CFAP43: variants seen among roughly 807,000 people sequenced by gnomAD.
CFAP43 encodes the protein cilia and flagella associated protein 43.
Under a neutral mutation model 218.9 loss-of-function variants are expected in CFAP43, and 155 were observed. The ratio of observed to expected loss-of-function variants is 0.71; its 90% CI spans 0.62 to 0.81. CFAP43 has a LOEUF of 0.81. Among genes scored for constraint, CFAP43 ranks in the 30% least tolerant of loss-of-function variants. The probability of loss-of-function intolerance (pLI) is 0.00; values close to 1 mark genes in which losing one functional copy is unlikely to be tolerated. For synonymous variants in CFAP43, 645 were observed against 681.3 expected (o/e 0.95, Z 0.83); for missense variants, 1,778 against 1,954.3 (o/e 0.91, Z 1.70).
chr10:104,210,928 T>C (rs750053055), intron 5 of CFAP43, among the ~76,000 whole-genome samples: 35 of 151,826 alleles, frequency 2.3e-4, no homozygotes, highest in Non-Finnish European at 3.8e-4. Context: ...GTAGCTGGGA[T>C]TACAGGCGTC....
At chr10:104,191,001 T>C (rs1014305301) in intron 12 of CFAP43, among the ~76,000 whole-genome samples, 4 of 152,238 alleles carry the variant, frequency 2.6e-5, no homozygotes, top group Non-Finnish European at 5.9e-5. Flanking sequence ...GGGCTTAGAA[T>C]ACTGGCTACC....
intron 29 of CFAP43, 69 bp from the exon 30 acceptor site, chr10:104,146,418 AC>A: frequency 1.7e-6 from 2 of 1,172,776 alleles, no homozygotes; most frequent in Non-Finnish European, 2.5e-6. Flanking sequence ...TATTGGGGAT[AC>A]TAAAAAGAGC....
At chr10:104,182,693 G>GA (rs984966459) in intron 16 of CFAP43, among the ~76,000 whole-genome samples, 180 bp from the exon 17 acceptor site, 1 of 152,048 alleles carries the variant, frequency 6.6e-6, no homozygotes, top group Non-Finnish European at 1.5e-5. Flanking sequence ...TTCTTTTGCA[G>GA]AATTTCTTCT....
Position 104,166,694 on chromosome 10 carries a change from G to A in CFAP43, c.2833C>T (p.Gln945Ter). The A allele has an allele frequency of 6.2e-7, 1 of 1,610,316 alleles. No homozygotes were observed. The highest frequency in any genetic ancestry group is 8.5e-7 in the Non-Finnish European group (1 of 1,178,556). ...LKLRKEIVEA[Q>*]SGVKLIKQRH... is the part of the protein sequence containing the mutation. ...TGTTTAATCAACTTAACTCCAGACTGAGCCTCTACAATTTCCTTCCGTAGC... is the reference window on the plus strand; with the variant it reads ...TGTTTAATCAACTTAACTCCAGACTAAGCCTCTACAATTTCCTTCCGTAGC... Residue 945 changes from glutamine (Q) to a stop codon, truncating the protein, a stop_gained, in exon 23 of 38, where the codon CAG (glutamine) becomes TAG (stop). Transcript: ENST00000357060. LOFTEE classifies it high-confidence loss of function.
intron 34 of CFAP43, among the ~76,000 whole-genome samples, chr10:104,137,742 AG>A (rs2087517877): frequency 6.6e-6 from 1 of 152,214 alleles, no homozygotes; most frequent in Non-Finnish European, 1.5e-5. Flanking sequence ...CGGAGGCTGC[AG>A]TGAGCTGAGA....
At chr10:104,231,504 T>A (rs538493614) in intron 1 of CFAP43, among the ~76,000 whole-genome samples, 5 of 152,188 alleles carry the variant, frequency 3.3e-5, no homozygotes, top group Non-Finnish European at 7.3e-5. Flanking sequence ...TCTATTTTTA[T>A]TTAAATATTA....
intron 2 of CFAP43, among the ~76,000 whole-genome samples, chr10:104,226,954 G>T (rs2091319708): frequency 1.3e-5 from 2 of 152,076 alleles, no homozygotes; most frequent in Admixed American, 1.3e-4. Context: ...GGAGGCGGAA[G>T]TTGCAGTGAG....
At chr10:104,220,701 A>G (rs1417903969) in intron 3 of CFAP43, among the ~76,000 whole-genome samples, 2 of 152,160 alleles carry the variant, frequency 1.3e-5, no homozygotes, top group Non-Finnish European at 2.9e-5. Context: ...GCTTTGCCCC[A>G]TATCTGACAC....
intron 5 of CFAP43, among the ~76,000 whole-genome samples, chr10:104,209,438 C>A (rs2090787710): frequency 6.6e-6 from 1 of 152,080 alleles, no homozygotes; most frequent in South Asian, 2.1e-4. Context: ...ATCCACATAG[C>A]AAAACTGCAG....
chr10:104,130,183 C>G lies in CFAP43; in HGVS notation c.4954G>C (p.Glu1652Gln). 1.2e-6 allele frequency: 2 copies of G among 1,606,846 alleles called. No homozygotes were observed. Among genetic ancestry groups the G allele is most frequent in the Non-Finnish European group, 1.7e-6 (2 of 1,177,916 alleles). ...EQISILQTEV[E>Q]RLRMKTFPAL... ...GGAAATGTTTTCATTCTTAATCTTT[C>G]AACTTCAGTCTGTAGTATTGAAATC... The change falls in exon 38 of 38, where the codon GAA becomes CAA. Residue 1652 changes from glutamate (E) to glutamine (Q), a missense_variant. This residue lies in a region of CFAP43 where 211 missense variants were observed against 230.6 expected (regional missense o/e 0.91). Transcript: ENST00000357060.
At position 104,197,995 on chromosome 10, in the gene CFAP43, T is replaced by C; in HGVS notation, c.1139A>G (p.Asn380Ser). 1 of 1,613,898 alleles carries C rather than the reference T, an allele frequency of 6.2e-7. No individual in the cohort carries two copies. Among genetic ancestry groups the C allele is most frequent in the Non-Finnish European group, 8.5e-7 (1 of 1,179,814 alleles). Reference protein sequence around the residue: ...IYTFGKEPTLNKVLDACDGKF... With the variant: ...IYTFGKEPTLSKVLDACDGKF... ...CCCATCACAAGCATCTAGGACTTTATTTAAGGTTGGCTCCTTACCAAAAGT... is the reference window on the plus strand; with the variant it reads ...CCCATCACAAGCATCTAGGACTTTACTTAAGGTTGGCTCCTTACCAAAAGT... The change falls in exon 9 of 38, where the codon AAT becomes AGT. Residue 380 changes from asparagine to serine, a missense_variant. Transcript: ENST00000357060.
intron 34 of CFAP43, among the ~76,000 whole-genome samples, chr10:104,134,544 C>A (rs1032379408): frequency 6.6e-6 from 1 of 151,854 alleles, no homozygotes; most frequent in Non-Finnish European, 1.5e-5. Flanking sequence ...GAAATGAAAT[C>A]AAGAATATTA....
At chr10:104,212,408 T>A (rs772459925) in intron 4 of CFAP43, among the ~76,000 whole-genome samples, 1 of 152,194 alleles carries the variant, frequency 6.6e-6, no homozygotes, top group Non-Finnish European at 1.5e-5. Flanking sequence ...AGTTGTAAAT[T>A]TGAATACTGG....
chr10:104,153,223 A>G (rs759071511), intron 27 of CFAP43, among the ~76,000 whole-genome samples: 85 of 152,216 alleles, frequency 5.6e-4, no homozygotes, highest in Non-Finnish European at 1.1e-3. Flanking sequence ...AAACAGTTCT[A>G]TATCAAAAGG....
chr10:104,131,953 G>A (rs570385956), intron 36 of CFAP43, among the ~76,000 whole-genome samples, 163 bp downstream of exon 36: 12 of 152,150 alleles, frequency 7.9e-5, no homozygotes, highest in East Asian at 3.9e-4. Flanking sequence ...CATTAGTTGC[G>A]GTTGCAAAGA....
chr10:104,182,667 C>A (rs1040482687), intron 16 of CFAP43, among the ~76,000 whole-genome samples, 154 bp from the exon 17 acceptor site: 13 of 152,098 alleles, frequency 8.5e-5, no homozygotes, highest in African/African-American at 3.1e-4. Flanking sequence ...CTTGTGGAAA[C>A]TTCTTCAGTG....
chr10:104,211,168 GC>G (rs1184564081), intron 5 of CFAP43, among the ~76,000 whole-genome samples: 1 of 152,032 alleles, frequency 6.6e-6, no homozygotes, highest in African/African-American at 2.4e-5. Flanking sequence ...CATCCTTGCT[GC>G]CCTGTCTCCA....
intron 16 of CFAP43, among the ~76,000 whole-genome samples, chr10:104,183,095 C>G (rs1410057481): frequency 2.0e-5 from 3 of 152,152 alleles, no homozygotes; most frequent in African/African-American, 7.2e-5. Flanking sequence ...TCACATGTGG[C>G]CCCCTCATCA....
intron 4 of CFAP43, among the ~76,000 whole-genome samples, chr10:104,213,407 GCACC>G (rs951754254): frequency 1.3e-5 from 2 of 152,110 alleles, no homozygotes; most frequent in Non-Finnish European, 2.9e-5. Context: ...CTCAACAAAA[GCACC>G]CATTATCACC....
Sources: gnomAD v4.1 joint callset for allele counts (sites outside exome capture counted in the v4.1 genomes callset) on GRCh38, gnomAD v4.1.1 for gene constraint, gnomAD v4.1.1 regional missense constraint, MANE v1.5 for transcripts, NCBI Gene and HGNC (gene_info 2026-07-23, HGNC 2026-07-21) for gene names.